STARD13: variants seen among roughly 807,000 people sequenced by gnomAD.
STARD13 encodes StAR related lipid transfer domain containing 13, also known as stAR-related lipid transfer protein 13.
In STARD13, 62 loss-of-function variants were observed where a neutral mutation model predicts 106.4. The observed-to-expected ratio is 0.58, with a 90% CI of 0.48 to 0.72. The LOEUF is 0.72. Ranked by LOEUF, STARD13 falls within the 30% of genes least tolerant of loss-of-function variation. The pLI is 0.00. For synonymous variants in STARD13, 565 were observed against 553.0 expected (o/e 1.02, Z -0.31); for missense variants, 1,387 against 1,424.0 (o/e 0.97, Z 0.42).
intron 4 of STARD13, among the ~76,000 whole-genome samples, chr13:33,140,082 C>G (rs192238391): frequency 6.6e-6 from 1 of 152,306 alleles, no homozygotes; most frequent in African/African-American, 2.4e-5. Context: ...GGTCAGAATA[C>G]CGAAGTGACC....
chr13:33,673,550 C>CTTTTTTTTTTTTTTT, the STARD13 span, among the ~76,000 whole-genome samples: 776 of 136,964 alleles, frequency 5.7e-3, 44 homozygotes, highest in African/African-American at 0.018. Flanking sequence ...ACTATTAACT[C>CTTTTTTTTTTTTTTT]TTTTTTTTTT....
intron 6 of STARD13, 90 bp downstream of exon 6, chr13:33,127,283 C>T: frequency 2.1e-6 from 3 of 1,396,932 alleles, no homozygotes; most frequent in Non-Finnish European, 1.9e-6. Flanking sequence ...ATGGGTTTTT[C>T]AGATATCACA....
chr13:33,311,189 C>T (rs1165711691), intron 1 of STARD13, among the ~76,000 whole-genome samples: 2 of 151,336 alleles, frequency 1.3e-5, no homozygotes, highest in Middle Eastern at 3.5e-3. Context: ...CCCAGCTACT[C>T]GGGAGGCTGA....
chr13:33,602,057 T>C, the STARD13 span, among the ~76,000 whole-genome samples: 1 of 151,982 alleles, frequency 6.6e-6, no homozygotes, highest in Non-Finnish European at 1.5e-5. Flanking sequence ...GATGATATAA[T>C]CTGAACCACC....
intron 8 of STARD13, among the ~76,000 whole-genome samples, chr13:33,116,272 T>C (rs936125325): frequency 4.6e-5 from 7 of 152,340 alleles, no homozygotes; most frequent in Middle Eastern, 3.4e-3. Context: ...TCCTCACATA[T>C]CTCAGCCTTC....
At chr13:33,499,541 TTCTTCTTC>T in the STARD13 span, among the ~76,000 whole-genome samples, 4 of 53,144 alleles carry the variant, frequency 7.5e-5, no homozygotes. Context: ...CTTCTTCTTC[TTCTTCTTC>T]TTCTTCTTCT....
the STARD13 span, among the ~76,000 whole-genome samples, chr13:33,406,086 A>G: frequency 6.6e-6 from 1 of 152,232 alleles, no homozygotes; most frequent in African/African-American, 2.4e-5. Flanking sequence ...TGGCATGAAG[A>G]TGACATTCAC....
upstream of STARD13, chr13:33,355,273 C>G (rs1318362640): frequency 6.6e-6 from 1 of 152,204 alleles, no homozygotes; most frequent in Non-Finnish European, 1.5e-5. Flanking sequence ...CTCTGCAATT[C>G]CATTACATTT....
chr13:33,150,891 C>T (rs1269353022), intron 3 of STARD13, among the ~76,000 whole-genome samples: 1 of 152,154 alleles, frequency 6.6e-6, no homozygotes, highest in Non-Finnish European at 1.5e-5. Flanking sequence ...AGCCAAGATT[C>T]GTTCATCCGA....
Position 33,146,408 on chromosome 13 carries a change from T to C in STARD13, c.324-4035A>G, listed in dbSNP as rs1163772107. Among the ~76,000 whole-genome samples, 3 of 152,044 alleles carry C rather than the reference T, an allele frequency of 2.0e-5. No homozygotes were observed. The East Asian group carries it at 5.8e-4, about 29-fold the overall frequency. On this transcript the variant is annotated intron_variant, in intron 3 of 13. Transcript: ENST00000336934. Reference sequence around the variant, plus strand: ...CTGAAGTGAGAGGATCACTTGAGCCTGGGAGGTCAAGGCTGCAGTGAGCTG... The same window carrying C: ...CTGAAGTGAGAGGATCACTTGAGCCCGGGAGGTCAAGGCTGCAGTGAGCTG...
the STARD13 span, among the ~76,000 whole-genome samples, chr13:33,603,604 G>A: frequency 1.3e-4 from 20 of 152,226 alleles, no homozygotes; most frequent in South Asian, 6.2e-4. Flanking sequence ...TGGATTTAGA[G>A]TACAAACTGA....
chr13:33,186,175 T>C (rs1434328352), intron 1 of STARD13: 1 of 842,184 alleles, frequency 1.2e-6, no homozygotes, highest in Non-Finnish European at 1.8e-6. Context: ...CTCATTGTTT[T>C]CATTCCCATT....
chr13:33,117,957 T>C (rs1443588503), intron 8 of STARD13, 108 bp downstream of exon 8: 3 of 1,543,208 alleles, frequency 1.9e-6, no homozygotes, highest in South Asian at 1.3e-5. Flanking sequence ...CATACATCTT[T>C]ATGGATTGAT....
At chr13:33,383,184 A>G in the STARD13 span, among the ~76,000 whole-genome samples, 1 of 152,302 alleles carries the variant, frequency 6.6e-6, no homozygotes, top group Non-Finnish European at 1.5e-5. Context: ...CCACATGGGT[A>G]GCGTATGCTT....
the STARD13 span, among the ~76,000 whole-genome samples, chr13:33,417,633 T>C: frequency 3.9e-5 from 6 of 152,104 alleles, no homozygotes; most frequent in African/African-American, 1.4e-4. Flanking sequence ...GAATGAGCCT[T>C]GAAAATGTTA....
At position 33,129,350 on chromosome 13, in the gene STARD13, C is replaced by G. The variant is rs768803485; in HGVS notation, c.1327G>C (p.Glu443Gln). 5 of 1,614,152 alleles carry G rather than the reference C, an allele frequency of 3.1e-6. No homozygotes were observed. Among genetic ancestry groups the G allele is most frequent in the Non-Finnish European group, 4.2e-6 (5 of 1,180,024 alleles). The change falls in exon 5 of 14, where the codon GAG (glutamate) becomes CAG (glutamine). Residue 443 changes from glutamate (E) to glutamine (Q), a missense_variant. Physicochemically the swap from Glu to Gln is conservative, Grantham distance 29. Transcript: ENST00000336934. ...TGGCAGGACGCCATGAGCCGGGGCT[C>G]CCTGGCACCAGGGACCTGCTCTCTG... Reference protein sequence around the residue: ...LGREQVPGAREPRLMASCHRA... With the variant: ...LGREQVPGARQPRLMASCHRA...
At position 33,127,443 on chromosome 13, in the gene STARD13, G is replaced by T; in HGVS notation, c.1852C>A (p.Arg618Ser). Reference sequence around the variant, plus strand: ...GCCGTGAGGCGGAGCAGTGAGAAGCGCTGGAGCAGGCTCAGCTGGCTGGCC... The same window carrying T: ...GCCGTGAGGCGGAGCAGTGAGAAGCTCTGGAGCAGGCTCAGCTGGCTGGCC... ...QTASQLSLLQ[R>S]FSLLRLTAIM... The change falls in exon 6 of 14, where the codon CGC becomes AGC. Residue 618 changes from arginine (R) to serine (S), a missense_variant. Coordinates refer to ENST00000336934, the MANE Select transcript of STARD13 (RefSeq NM_178006.4). 4.4e-6 allele frequency: 7 copies of T among 1,603,226 alleles called. No homozygotes were observed. Among genetic ancestry groups the T allele is most frequent in the Non-Finnish European group, 5.1e-6 (6 of 1,178,542 alleles).
the STARD13 span, among the ~76,000 whole-genome samples, chr13:33,427,559 T>G: frequency 6.6e-6 from 1 of 152,174 alleles, no homozygotes; most frequent in Admixed American, 6.5e-5. Context: ...AATACTATTT[T>G]TCACGAGGGT....
At chr13:33,501,078 CTTT>C in the STARD13 span, among the ~76,000 whole-genome samples, 26 of 94,084 alleles carry the variant, frequency 2.8e-4, no homozygotes, top group African/African-American at 1.3e-3. Flanking sequence ...TCTCTCTCTC[CTTT>C]TTTTTTTTTT....
Sources: allele counts gnomAD v4.1 joint callset (sites outside exome capture counted in the v4.1 genomes callset), GRCh38; gene constraint gnomAD v4.1.1; transcripts MANE v1.5; gene names NCBI Gene and HGNC (gene_info 2026-07-23, HGNC 2026-07-21).